EPB41L5: variants seen among roughly 807,000 people sequenced by gnomAD.
EPB41L5 encodes the protein band 4.1-like protein 5.
In EPB41L5, 55 loss-of-function variants were observed where a neutral mutation model predicts 106.6. The observed-to-expected ratio is 0.52, with a 90% confidence interval of 0.42 to 0.65. The LOEUF (loss-of-function observed/expected upper bound fraction) is 0.65, where lower values mean the gene tolerates loss of function less well. Ranked by LOEUF, EPB41L5 falls within the 30% of genes least tolerant of loss-of-function variation. EPB41L5 has a pLI of 0.00. For missense variants in EPB41L5, 871 were observed against 882.1 expected (o/e 0.99, Z 0.16); for synonymous variants, 297 against 306.7 (o/e 0.97, Z 0.33).
intron 3 of EPB41L5, among the ~76,000 whole-genome samples, chr2:120,072,481 A>G (rs541993220): frequency 2.7e-4 from 41 of 152,288 alleles, no homozygotes; most frequent in African/African-American, 9.9e-4. Context: ...ACATGCACAC[A>G]TATGTTTATT....
intron 16 of EPB41L5, among the ~76,000 whole-genome samples, chr2:120,114,538 A>G (rs1027368916): frequency 6.6e-6 from 1 of 152,206 alleles, no homozygotes; most frequent in Non-Finnish European, 1.5e-5. Context: ...TTTTCAATTT[A>G]CATTATCAGG....
intron 2 of EPB41L5, among the ~76,000 whole-genome samples, chr2:120,031,488 G>A (rs2105171480): frequency 6.6e-6 from 1 of 152,318 alleles, no homozygotes; most frequent in South Asian, 2.1e-4. Context: ...AGATACAGAT[G>A]ACTAATGAAT....
At chr2:120,149,892 C>CTTTT (rs34014223) in intron 20 of EPB41L5, among the ~76,000 whole-genome samples, 5 of 110,908 alleles carry the variant, frequency 4.5e-5, no homozygotes, top group Non-Finnish European at 7.3e-5. Flanking sequence ...TTTCACTGTA[C>CTTTT]TTTTTTTTTT....
chr2:120,016,988 C>T (rs995685624), intron 1 of EPB41L5, among the ~76,000 whole-genome samples: 7 of 152,126 alleles, frequency 4.6e-5, no homozygotes, highest in Admixed American at 2.0e-4. Flanking sequence ...TACCTAATTA[C>T]GCAAGAGTAT....
intron 2 of EPB41L5, among the ~76,000 whole-genome samples, chr2:120,021,961 T>G (rs1449057421): frequency 2.0e-5 from 3 of 152,178 alleles, no homozygotes; most frequent in South Asian, 2.1e-4. Flanking sequence ...GTTAGCCGTC[T>G]TCTTCCTTTA....
At chr2:120,076,839 C>G (rs1682277875) in intron 7 of EPB41L5, 132 bp from the exon 8 acceptor site, 1 of 762,770 alleles carries the variant, frequency 1.3e-6, no homozygotes, top group South Asian at 2.5e-5. Context: ...CTTTTGGAGA[C>G]TTGTCTGAGT....
chr2:120,140,770 A>T (rs888243541), intron 18 of EPB41L5, among the ~76,000 whole-genome samples: 3 of 152,104 alleles, frequency 2.0e-5, no homozygotes, highest in Admixed American at 2.0e-4. Flanking sequence ...AGGGATGCAC[A>T]ACCTGTATTG....
intron 24 of EPB41L5, among the ~76,000 whole-genome samples, chr2:120,171,028 T>C (rs1374057590): frequency 1.3e-5 from 2 of 152,182 alleles, no homozygotes; most frequent in African/African-American, 4.8e-5. Context: ...AAATGATGAC[T>C]GGGTCCCACC....
intron 3 of EPB41L5, among the ~76,000 whole-genome samples, chr2:120,062,569 A>T (rs1400886486): frequency 6.6e-6 from 1 of 152,226 alleles, no homozygotes; most frequent in Non-Finnish European, 1.5e-5. Flanking sequence ...AATTAAACTT[A>T]TCAGTGTATG....
At chr2:120,109,437 A>G (rs1242887093) in intron 16 of EPB41L5, among the ~76,000 whole-genome samples, 1 of 152,162 alleles carries the variant, frequency 6.6e-6, no homozygotes. Context: ...TATTGAAAAC[A>G]TAAGCAATCA....
intron 16 of EPB41L5, chr2:120,105,594 A>T (rs781141410): frequency 2.4e-5 from 24 of 985,266 alleles, no homozygotes; most frequent in Admixed American, 1.2e-4. Flanking sequence ...GCAGGTTTCA[A>T]TCTGAGTTTA....
chr2:120,143,762 T>A (rs892408625), intron 19 of EPB41L5, among the ~76,000 whole-genome samples: 1 of 152,188 alleles, frequency 6.6e-6, no homozygotes, highest in Non-Finnish European at 1.5e-5. Context: ...AGGAATATTG[T>A]TCATGTTCTT....
Position 120,112,470 on chromosome 2 carries a change from T to C in EPB41L5, c.1337+11656T>C, listed in dbSNP as rs56266792. ...AAATACTGTTCTTGGCTTCAAGAAA[T>C]TTATACTCAAACTGTGGAGATAAAC... is the stretch of plus-strand genomic sequence containing the variant. On this transcript the variant is annotated intron_variant, in intron 16 of 24. Transcript: ENST00000263713. Among the ~76,000 whole-genome samples the C allele has an allele frequency of 7.7e-3, 1,167 of 152,314 alleles. 12 individuals are homozygous for C. The highest frequency in any genetic ancestry group is 0.027 in the African/African-American group (1,107 of 41,564).
At chr2:120,142,153 T>A (rs1032699823) in intron 18 of EPB41L5, among the ~76,000 whole-genome samples, 1 of 151,328 alleles carries the variant, frequency 6.6e-6, no homozygotes, top group African/African-American at 2.4e-5. Context: ...AATATACATA[T>A]ATAATTTACC....
chr2:120,119,177 C>T (rs951191751), intron 16 of EPB41L5, among the ~76,000 whole-genome samples: 1 of 151,624 alleles, frequency 6.6e-6, no homozygotes, highest in Non-Finnish European at 1.5e-5. Context: ...TTTTAATGTG[C>T]TTTTTTTCTT....
chr2:120,024,349 G>A (rs182715128), intron 2 of EPB41L5, among the ~76,000 whole-genome samples: 125 of 152,276 alleles, frequency 8.2e-4, no homozygotes, highest in Non-Finnish European at 1.0e-3. Flanking sequence ...TTTAAGATAC[G>A]TTCCATCAAT....
chr2:120,048,480 G>T (rs933541039), intron 3 of EPB41L5, among the ~76,000 whole-genome samples: 10 of 152,072 alleles, frequency 6.6e-5, no homozygotes, highest in Non-Finnish European at 1.3e-4. Context: ...ATGGTAGTTT[G>T]TATTTCTGTG....
intron 12 of EPB41L5, 143 bp from the exon 13 acceptor site, chr2:120,091,412 G>T (rs1264659456): frequency 6.6e-6 from 4 of 607,006 alleles, no homozygotes. Flanking sequence ...TAAAGAGAGA[G>T]ATCGAGACTA....
chr2:120,074,758 T>C (rs1460319507), intron 5 of EPB41L5, among the ~76,000 whole-genome samples: 2 of 152,220 alleles, frequency 1.3e-5, no homozygotes, highest in African/African-American at 4.8e-5. Context: ...TTTGAGTTCC[T>C]TTAGAAGGGT....
Sources: gnomAD v4.1 joint callset for allele counts (sites outside exome capture counted in the v4.1 genomes callset) on GRCh38, gnomAD v4.1.1 for gene constraint, MANE v1.5 for transcripts, NCBI Gene and HGNC (gene_info 2026-07-23, HGNC 2026-07-21) for gene names.